Variants in TTC21A observed in about 807,000 individuals in gnomAD.
TTC21A encodes tetratricopeptide repeat protein 21A.
Under a neutral mutation model 156.4 loss-of-function variants are expected in TTC21A, and 128 were observed. That is an observed-to-expected ratio of 0.82 (90% CI 0.71 to 0.95). TTC21A has a LOEUF of 0.95. TTC21A is among the 40% of genes least tolerant of loss of function. The pLI, the probability that TTC21A is intolerant of heterozygous loss-of-function variation, is 0.00. For missense variants in TTC21A, 1,435 were observed against 1,602.3 expected (o/e 0.90, Z 1.78); for synonymous variants, 587 against 617.1 (o/e 0.95, Z 0.72).
At position 39,118,092 on chromosome 3, in the gene TTC21A, A is replaced by G. The variant is rs757557782; in HGVS notation, c.740A>G (p.Asn247Ser). ...GHRILEKDESNIDACQILTVH... is the reference protein window; with the variant it reads ...GHRILEKDESSIDACQILTVH... ...AGAATCCTAGAAAAAGATGAGAGCA[A>G]TATTGATGCCTGCCAAATTCTAACC... Residue 247 changes from asparagine (N) to serine (S), a missense_variant, in exon 7 of 29, where the codon AAT (asparagine) becomes AGT (serine). Asn to Ser is a conservative substitution (Grantham distance 46). Transcript: ENST00000683103. 5.6e-6 allele frequency: 9 copies of G among 1,614,080 alleles called. No homozygotes were observed. The highest frequency in any genetic ancestry group is 6.8e-6 in the Non-Finnish European group (8 of 1,179,914).
chr3:39,114,675 C>T lies in TTC21A; in HGVS notation c.649C>T (p.Leu217Phe). The T allele has an allele frequency of 6.2e-7, 1 of 1,614,232 alleles. No individual in the cohort carries two copies. The highest frequency in any genetic ancestry group is 1.1e-5 in the South Asian group (1 of 91,088). The change falls in exon 6 of 29, where the codon CTC becomes TTC. Residue 217 changes from leucine (L) to phenylalanine (F), a missense_variant. Coordinates refer to ENST00000683103, the MANE Select transcript of TTC21A (RefSeq NM_001366900.1). The part of the protein sequence containing the change: ...TVTSGSFLPA[L>F]VLKMQLFLAR... ...GACTTCAGGGAGCTTCCTGCCAGCCCTCGTCCTGAAGATGCAGCTGTTCTT... is the reference window on the plus strand; with the variant it reads ...GACTTCAGGGAGCTTCCTGCCAGCCTTCGTCCTGAAGATGCAGCTGTTCTT...
At chr3:39,118,456 A>G in intron 7 of TTC21A, 1 of 470,180 alleles carries the variant, frequency 2.1e-6, no homozygotes, top group Non-Finnish European at 3.9e-6. Flanking sequence ...TGTTTGTAAA[A>G]TAGACAGAAT....
Position 39,134,775 on chromosome 3 carries a change from G to C in TTC21A, c.2863-318G>C, listed in dbSNP as rs1313128520. On this transcript the variant is annotated intron_variant, in intron 21 of 28. Coordinates refer to ENST00000683103, the MANE Select transcript of TTC21A (RefSeq NM_001366900.1). The surrounding 1 kb of genome is among the most constrained non-coding windows in gnomAD (Gnocchi z 4.6). ...TACCTCTATTGCCTGGCAGTTCTCA[G>C]AATGGGTGGAGAGGCTTCCCCTGTA... 1 of 510,792 alleles carries C rather than the reference G, an allele frequency of 2.0e-6. No individual in the cohort carries two copies. The highest frequency in any genetic ancestry group is 3.6e-6 in the Non-Finnish European group (1 of 281,550). 31.6% of individuals were successfully genotyped at this position (510,792 alleles called of 1,614,324 possible).
At chr3:39,133,300 C>G (rs1424136714) in intron 20 of TTC21A, 60 bp downstream of exon 20, 1 of 1,538,916 alleles carries the variant, frequency 6.5e-7, no homozygotes, top group East Asian at 2.3e-5. Flanking sequence ...ACTTGCTGAG[C>G]TCACTGACCA....
chr3:39,126,477 C>T (rs2038257510), intron 12 of TTC21A, 87 bp downstream of exon 12: 3 of 108,832 alleles, frequency 2.8e-5, no homozygotes, highest in South Asian at 1.6e-4. Flanking sequence ...TAGGATACTA[C>T]ACACACACAC....
In TTC21A at chr3:39,131,005, A is replaced by G. The variant is rs756656622; in HGVS notation, c.2472A>G (p.Pro824=). The G allele has an allele frequency of 5.0e-6, 8 of 1,613,888 alleles. No homozygotes were observed. The Admixed American group carries it at 1.3e-4, about 27-fold the overall frequency. Residue 824 remains proline, a synonymous_variant, in exon 19 of 29, where the codon CCA becomes CCG. Transcript: ENST00000683103. ...ALEHDIVQDI[P]SMMNDVKCLL... The stretch of plus-strand genomic sequence containing the variant: ...TCCATTTAACAGTCCAAGACATCCC[A>G]TCCATGATGAATGATGTTAAGTGCC...
intron 1 of TTC21A, chr3:39,108,139 A>G (rs1002696061): frequency 7.2e-6 from 4 of 553,574 alleles, no homozygotes; most frequent in Non-Finnish European, 1.3e-5. Context: ...CCCTTCTTCC[A>G]CCCAGCTCAC....
intron 7 of TTC21A, chr3:39,119,439 A>G (rs2037555724): frequency 6.6e-6 from 1 of 152,468 alleles, no homozygotes; most frequent in Non-Finnish European, 1.5e-5. Flanking sequence ...CTTACATTTG[A>G]TTCATGTCAA....
At position 39,107,725 on chromosome 3, in the gene TTC21A, G is replaced by A. The variant is rs769672103; in HGVS notation, c.-113G>A. 43 of 1,493,852 alleles carry A rather than the reference G, an allele frequency of 2.9e-5. No homozygotes were observed. Among genetic ancestry groups the A allele is most frequent in the Non-Finnish European group, 3.9e-5 (42 of 1,082,582 alleles). The allele number at this position is 1,493,852 out of a possible 1,614,324, so 92.5% of individuals were successfully genotyped here. A position where few individuals can be genotyped will look rare whatever the true frequency, so the allele number is the denominator to read the frequency against. ...AACCGGCTAGCAGCTCGGTTTCCAA[G>A]GACTGTAACGCCTTCAACCGCCCGC... On this transcript the variant is annotated 5_prime_UTR_variant, in exon 1 of 29. Transcript: ENST00000683103.
At position 39,134,910 on chromosome 3, in the gene TTC21A, G is replaced by C. The variant is rs1357284156; in HGVS notation, c.2863-183G>C. 1.6e-6 allele frequency: 1 copy of C among 612,574 alleles called. No individual in the cohort carries two copies. Among genetic ancestry groups the C allele is most frequent in the East Asian group, 2.7e-5 (1 of 36,494 alleles). The allele number at this position is 612,574 out of a possible 1,614,324, so 37.9% of individuals were successfully genotyped here. On this transcript the variant is annotated intron_variant, in intron 21 of 28. Transcript: ENST00000683103. The surrounding 1 kb of genome is among the most constrained non-coding windows in gnomAD (Gnocchi z 4.6). Reference sequence around the variant, plus strand: ...TTGGGAAGTCCTCACCTTCTGGGTGGGGGCCTGAGAAACCCTCAGGCTTCT... The same window carrying C: ...TTGGGAAGTCCTCACCTTCTGGGTGCGGGCCTGAGAAACCCTCAGGCTTCT...
At chr3:39,129,928 G>A (rs952816930) in intron 15 of TTC21A, 151 bp from the exon 16 acceptor site, 10 of 834,282 alleles carry the variant, frequency 1.2e-5, no homozygotes, top group African/African-American at 1.0e-4. Flanking sequence ...AGCTAGCACA[G>A]TGCCTCATTC....
intron 20 of TTC21A, among the ~76,000 whole-genome samples, 162 bp downstream of exon 20, chr3:39,133,402 G>C (rs1012147578): frequency 1.3e-5 from 2 of 152,232 alleles, no homozygotes; most frequent in South Asian, 2.1e-4. Context: ...TCTGGGGTAA[G>C]GTGTCTGCTC....
At chr3:39,132,321 T>C (rs927534662) in intron 19 of TTC21A, among the ~76,000 whole-genome samples, 1 of 152,206 alleles carries the variant, frequency 6.6e-6, no homozygotes, top group Non-Finnish European at 1.5e-5. Flanking sequence ...AGGTCTGGCC[T>C]TTCCCAACCC....
rs747226216 is a variant in TTC21A at position 39,133,250 on chromosome 3, C to T, written c.2751+10C>T. ...GCCAACTGACAATAAGGTGAGTGGCCCTCAAAGCAAGAGGCTGCTTTCTCC... is the reference window on the plus strand; with the variant it reads ...GCCAACTGACAATAAGGTGAGTGGCTCTCAAAGCAAGAGGCTGCTTTCTCC... On this transcript the variant is annotated intron_variant, in intron 20 of 28. Transcript: ENST00000683103. 4.3e-6 allele frequency: 7 copies of T among 1,609,502 alleles called. No individual in the cohort carries two copies. In the South Asian group the frequency reaches 7.7e-5, roughly 18 times the overall value.
chr3:39,119,789 T>TGG (rs1407733660), intron 7 of TTC21A, 133 bp from the exon 8 acceptor site: 2 of 665,066 alleles, frequency 3.0e-6, no homozygotes, highest in South Asian at 3.8e-5. Context: ...TCTGAATTTC[T>TGG]GGGGGGTTGT....
In TTC21A at chr3:39,130,272, G is replaced by T; in HGVS notation, c.2233G>T (p.Asp745Tyr). ...LEPEKALEVYDEAYRQNPHDA... is the reference protein window; with the variant it reads ...LEPEKALEVYYEAYRQNPHDA... ...GCCCGAGAAGGCCCTGGAGGTCTAT[G>T]ATGAGGCCTATAGACAGAACCCACA... Residue 745 changes from aspartate (D) to tyrosine (Y), a missense_variant, in exon 17 of 29, where the codon GAT becomes TAT. Coordinates refer to ENST00000683103, the MANE Select transcript of TTC21A (RefSeq NM_001366900.1). The surrounding 1 kb of genome is among the most constrained non-coding windows in gnomAD (Gnocchi z 4.5). 1 of 1,613,898 alleles carries T rather than the reference G, an allele frequency of 6.2e-7. No homozygotes were observed. Among genetic ancestry groups the T allele is most frequent in the Non-Finnish European group, 8.5e-7 (1 of 1,179,878 alleles).
rs774058693 is a variant in TTC21A, at chr3:39,128,693, C to T, written c.1681-24C>T. ...CAGTAGCAGCAGTGAACTGGAGCCC[C>T]ACACTCTGCTGTGCTCCTCCTAGGT... is the stretch of plus-strand genomic sequence containing the variant. On this transcript the variant is annotated intron_variant, in intron 13 of 28. Coordinates refer to ENST00000683103, the MANE Select transcript of TTC21A (RefSeq NM_001366900.1). 4.4e-6 allele frequency: 7 copies of T among 1,607,818 alleles called. No individual in the cohort carries two copies. In the South Asian group the frequency reaches 4.4e-5, roughly 10 times the overall value.
At chr3:39,120,075 G>A (rs565940160) in intron 8 of TTC21A, 55 bp downstream of exon 8, 101 of 1,307,570 alleles carry the variant, frequency 7.7e-5, no homozygotes, top group Admixed American at 5.8e-4. Flanking sequence ...TTTCCTTAGA[G>A]GAGAACTGTG....
At chr3:39,136,733 C>A in intron 23 of TTC21A, 166 bp from the exon 24 acceptor site, 1 of 1,017,006 alleles carries the variant, frequency 9.8e-7, no homozygotes, top group Non-Finnish European at 1.4e-6. Flanking sequence ...AGGCCACCAG[C>A]CTGCATCCAA....
Sources: gnomAD v4.1 joint callset for allele counts (sites outside exome capture counted in the v4.1 genomes callset) on GRCh38, gnomAD v4.1.1 for gene constraint, Gnocchi (gnomAD v3.1) non-coding constraint, MANE v1.5 for transcripts, NCBI Gene and HGNC (gene_info 2026-07-23, HGNC 2026-07-21) for gene names.